The following BAZ2A variants were observed in gnomAD, a reference collection of about 807,000 sequenced individuals.
The protein encoded by BAZ2A is bromodomain adjacent to zinc finger domain protein 2A.
In BAZ2A, 34 loss-of-function variants were observed where a neutral mutation model predicts 199.9. The ratio of observed to expected loss-of-function variants is 0.17; its 90% CI spans 0.13 to 0.23. BAZ2A has a LOEUF of 0.23. BAZ2A is among the 10% of genes least tolerant of loss of function. The pLI is 1.00. For missense variants in BAZ2A, 2,002 were observed against 2,391.1 expected (o/e 0.84, Z 3.39); for synonymous variants, 857 against 883.9 (o/e 0.97, Z 0.54).
chr12:56,627,119 AAAAT>A (rs1035351874), intron 1 of BAZ2A, among the ~76,000 whole-genome samples: 25 of 152,232 alleles, frequency 1.6e-4, no homozygotes, highest in African/African-American at 5.8e-4. Flanking sequence ...TTTTGCCTGG[AAAAT>A]AAATAGTGAA....
chr12:56,636,902 C>G (rs1107479), upstream of BAZ2A: 1 of 152,410 alleles, frequency 6.6e-6, no homozygotes, highest in Admixed American at 6.5e-5. Context: ...AAGGACGTCA[C>G]AGGCAGATGG....
At chr12:56,620,978 G>A in intron 1 of BAZ2A, 1 of 762,986 alleles carries the variant, frequency 1.3e-6, no homozygotes, top group Non-Finnish European at 1.6e-6. Flanking sequence ...TCATTCCTTA[G>A]TCTCCAGTTA....
At chr12:56,616,102 C>T (rs1950713158) in intron 2 of BAZ2A, among the ~76,000 whole-genome samples, 1 of 152,132 alleles carries the variant, frequency 6.6e-6, no homozygotes, top group South Asian at 2.1e-4. Flanking sequence ...CGGGGTTTTA[C>T]CGTGTTGGCC....
chr12:56,632,888 G>A (rs941537533), upstream of BAZ2A, among the ~76,000 whole-genome samples: 1 of 152,090 alleles, frequency 6.6e-6, no homozygotes, highest in Non-Finnish European at 1.5e-5. Flanking sequence ...CCCCCATCCA[G>A]ACGAGAGAGG....
intron 10 of BAZ2A, 122 bp from the exon 11 acceptor site, chr12:56,606,855 G>GA: frequency 1.4e-6 from 1 of 727,076 alleles, no homozygotes. Flanking sequence ...ATCTAGAGTA[G>GA]CTTTTTTTTT....
At position 56,615,250 on chromosome 12, in the gene BAZ2A, A is replaced by G. The variant is rs1207246529; in HGVS notation, c.494T>C (p.Leu165Pro). 2.5e-6 allele frequency: 4 copies of G among 1,613,870 alleles called. No individual in the cohort carries two copies. Among genetic ancestry groups the G allele is most frequent in the Non-Finnish European group, 3.4e-6 (4 of 1,179,902 alleles). The change falls in exon 3 of 29, where the codon CTG becomes CCG. Residue 165 changes from leucine (L) to proline (P), a missense_variant. By Grantham distance (98) the Leu-to-Pro change is moderately conservative. Around this residue, in one of 6 missense-constraint regions of BAZ2A, gnomAD observed 641 missense variants for 694.5 expected, o/e 0.92. Coordinates refer to ENST00000549884, the MANE Select transcript of BAZ2A (RefSeq NM_001300905.2). ...PMGLNFDSQE[L>P]YDSFPDQNFE... Reference sequence around the variant, plus strand: ...ATTCTGGTCAGGAAAGGAATCATACAGTTCTTGTGAATCAAAGTTAAGCCC... The same window carrying G: ...ATTCTGGTCAGGAAAGGAATCATACGGTTCTTGTGAATCAAAGTTAAGCCC...
intron 1 of BAZ2A, chr12:56,621,236 G>A (rs577276408): frequency 1.0e-6 from 1 of 985,338 alleles, no homozygotes; most frequent in Admixed American, 6.1e-5. Flanking sequence ...ACAAAGTTGT[G>A]ACCTCCTCTC....
At position 56,604,266 on chromosome 12, in the gene BAZ2A, T is replaced by C. The variant is rs775408570; in HGVS notation, c.2989A>G (p.Met997Val). The part of the protein sequence containing the change: ...INEIDKTLES[M>V]SSYRKNKWIV... The stretch of plus-strand genomic sequence containing the variant: ...CACTTGTTTTTCCTGTAGCTGGACA[T>C]ACTCTCCAGAGTCTTGTCAATCTCA... The change falls in exon 16 of 29, where the codon ATG (methionine) becomes GTG (valine). Residue 997 changes from methionine (M) to valine (V), a missense_variant. Coordinates refer to ENST00000549884, the MANE Select transcript of BAZ2A (RefSeq NM_001300905.2). 3.7e-6 allele frequency: 6 copies of C among 1,608,912 alleles called. No individual in the cohort carries two copies. Among genetic ancestry groups the C allele is most frequent in the Non-Finnish European group, 5.1e-6 (6 of 1,177,494 alleles).
upstream of BAZ2A, chr12:56,638,130 C>A: frequency 3.6e-6 from 2 of 549,904 alleles, no homozygotes; most frequent in Non-Finnish European, 6.4e-6. Context: ...AATACATAAC[C>A]CTTCAGTGTT....
chr12:56,619,508 CAA>C (rs397850754), intron 1 of BAZ2A, among the ~76,000 whole-genome samples: 15 of 84,744 alleles, frequency 1.8e-4, no homozygotes, highest in Admixed American at 3.7e-4. Context: ...GACCCTGTCT[CAA>C]AAAAAAAAAA....
rs200509112 is a variant in BAZ2A at position 56,600,077 on chromosome 12, G to C, written c.4912C>G (p.Arg1638Gly). Residue 1638 changes from arginine (R) to glycine (G), a missense_variant, in exon 25 of 29, where the codon CGC becomes GGC. Coordinates refer to ENST00000549884, the MANE Select transcript of BAZ2A (RefSeq NM_001300905.2). ...AGGGTCTGGCGCCAGACACGAATGC[G>C]AGGGGTGATCTCATATGATCTGGAG... ...TTEISYEITP[R>G]IRVWRQTLER... is the part of the protein sequence containing the mutation. 6.2e-7 allele frequency: 1 copy of C among 1,614,068 alleles called. No individual in the cohort carries two copies. The highest frequency in any genetic ancestry group is 2.2e-5 in the East Asian group (1 of 44,882).
rs375473779 is a variant in BAZ2A at position 56,600,522 on chromosome 12, G to C, written c.4603-32C>G. ...TTAAGAGAGAGGAATAAAACTCACT[G>C]TAAAAGGAGGAAAATTTGGCATAGG... On this transcript the variant is annotated intron_variant, in intron 23 of 28. Transcript: ENST00000549884. The C allele has an allele frequency of 3.3e-5, 53 of 1,587,938 alleles. No homozygotes were observed. In the African/African-American group the frequency reaches 6.7e-4, roughly 20 times the overall value.
chr12:56,625,336 A>T (rs1592620544), intron 1 of BAZ2A, among the ~76,000 whole-genome samples: 1 of 151,638 alleles, frequency 6.6e-6, no homozygotes, highest in South Asian at 2.1e-4. Context: ...TCATATTTTT[A>T]GTAGAGACAG....
intron 1 of BAZ2A, among the ~76,000 whole-genome samples, chr12:56,625,480 A>AC (rs1193374702): frequency 2.0e-5 from 3 of 151,338 alleles, no homozygotes; most frequent in Non-Finnish European, 4.4e-5. Flanking sequence ...ACAGTTAAGG[A>AC]CTCCACCCTT....
chr12:56,612,226 T>C lies in BAZ2A; in HGVS notation c.1156A>G (p.Asn386Asp). 6.2e-7 allele frequency: 1 copy of C among 1,613,438 alleles called. No homozygotes were observed. Among genetic ancestry groups the C allele is most frequent in the Non-Finnish European group, 8.5e-7 (1 of 1,179,680 alleles). Reference sequence around the variant, plus strand: ...TCTTCCTGTTCAGCGTCACTACCATTATTCAGGTCAAAGCTGTTATCTAGA... The same window carrying C: ...TCTTCCTGTTCAGCGTCACTACCATCATTCAGGTCAAAGCTGTTATCTAGA... ...VLQDNSFDLN[N>D]GSDAEQEEME... Residue 386 changes from asparagine (N) to aspartate (D), a missense_variant, in exon 6 of 29, where the codon AAT (asparagine) becomes GAT (aspartate). This residue lies in a region of BAZ2A where 641 missense variants were observed against 694.5 expected (regional missense o/e 0.92). Coordinates refer to ENST00000549884, the MANE Select transcript of BAZ2A (RefSeq NM_001300905.2).
Position 56,595,671 on chromosome 12 carries a change from C to G in BAZ2A, c.*2947G>C, listed in dbSNP as rs1885717228. ...GGTCCCATATTTGCTATGACAGGAACACAGAGGTGGCAGCTTAGGAAGCTG... is the reference window on the plus strand; with the variant it reads ...GGTCCCATATTTGCTATGACAGGAAGACAGAGGTGGCAGCTTAGGAAGCTG... On this transcript the variant is annotated 3_prime_UTR_variant, in exon 29 of 29. Coordinates refer to ENST00000549884, the MANE Select transcript of BAZ2A (RefSeq NM_001300905.2). The G allele has an allele frequency of 6.6e-6, 1 of 152,064 alleles. No individual in the cohort carries two copies. The highest frequency in any genetic ancestry group is 6.6e-5 in the Admixed American group (1 of 15,252). 9.4% of individuals were successfully genotyped at this position (152,064 alleles called of 1,614,324 possible).
At position 56,603,397 on chromosome 12, in the gene BAZ2A, T is replaced by C; in HGVS notation, c.3241A>G (p.Ile1081Val). Residue 1081 changes from isoleucine to valine, a missense_variant, in exon 18 of 29, where the codon ATC becomes GTC. Around this residue, in one of 6 missense-constraint regions of BAZ2A, gnomAD observed 1,081 missense variants for 1,274.7 expected, o/e 0.85. Transcript: ENST00000549884. ...DGEVDATASS[I>V]PELERQIEKL... Reference sequence around the variant, plus strand: ...TCTATCTGGCGCTCTAGCTCTGGGATGCTAGATGCTGTGGCATCAACCTAG... The same window carrying C: ...TCTATCTGGCGCTCTAGCTCTGGGACGCTAGATGCTGTGGCATCAACCTAG... 2 of 1,614,048 alleles carry C rather than the reference T, an allele frequency of 1.2e-6. No homozygotes were observed. The highest frequency in any genetic ancestry group is 1.7e-6 in the Non-Finnish European group (2 of 1,179,882).
At chr12:56,630,012 T>C (rs1951252676) in intron 1 of BAZ2A, 113 bp downstream of exon 1, 3 of 805,662 alleles carry the variant, frequency 3.7e-6, no homozygotes, top group Non-Finnish European at 4.5e-6. Context: ...TCCCGTCGGC[T>C]TCCCGCCCCG....
chr12:56,633,043 T>G (rs1951356695), upstream of BAZ2A, among the ~76,000 whole-genome samples: 1 of 152,070 alleles, frequency 6.6e-6, no homozygotes, highest in Admixed American at 6.5e-5. Context: ...ATCAGCAACT[T>G]GTAAGGAGAG....
Sources: allele counts gnomAD v4.1 joint callset (sites outside exome capture counted in the v4.1 genomes callset), GRCh38; gene constraint gnomAD v4.1.1; regional missense constraint gnomAD v4.1.1; transcripts MANE v1.5; gene names NCBI Gene and HGNC (gene_info 2026-07-23, HGNC 2026-07-21).